The following TBC1D22A variants were observed in gnomAD, a reference collection of about 807,000 sequenced individuals.
TBC1D22A encodes the protein TBC1 domain family member 22A.
TBC1D22A carries 38 observed loss-of-function variants against 60.2 expected under a neutral mutation model. The ratio of observed to expected loss-of-function variants is 0.63; its 90% confidence interval spans 0.49 to 0.83. The LOEUF (loss-of-function observed/expected upper bound fraction) is 0.83, where lower values mean the gene tolerates loss of function less well. Among genes scored for constraint, TBC1D22A ranks in the 40% least tolerant of loss-of-function variants. The pLI is 0.00. For synonymous variants in TBC1D22A, 302 were observed against 281.7 expected (o/e 1.07, Z -0.72); for missense variants, 628 against 701.0 (o/e 0.90, Z 1.18).
chr22:46,822,890 C>G (rs534989652), intron 4 of TBC1D22A, among the ~76,000 whole-genome samples: 1 of 152,248 alleles, frequency 6.6e-6, no homozygotes, highest in South Asian at 2.1e-4. Context: ...GGGCTAAGAT[C>G]TAGGTGAGCT....
At chr22:47,066,587 A>G (rs903240680) in intron 11 of TBC1D22A, among the ~76,000 whole-genome samples, 4 of 152,208 alleles carry the variant, frequency 2.6e-5, no homozygotes, top group African/African-American at 9.6e-5. Context: ...TGTGTCCACT[A>G]TAAGGTATTC....
chr22:46,902,974 G>T (rs1186122694), intron 7 of TBC1D22A, among the ~76,000 whole-genome samples: 1 of 151,560 alleles, frequency 6.6e-6, no homozygotes, highest in Non-Finnish European at 1.5e-5. Flanking sequence ...GGAGAAGACA[G>T]CCCGAGGAGG....
intron 8 of TBC1D22A, among the ~76,000 whole-genome samples, chr22:46,935,774 G>C (rs577514467): frequency 2.0e-4 from 31 of 152,184 alleles, no homozygotes; most frequent in African/African-American, 7.5e-4. Flanking sequence ...CTGTCTCCTG[G>C]GCCCTCCTCT....
intron 9 of TBC1D22A, among the ~76,000 whole-genome samples, chr22:46,992,697 T>C (rs1311386022): frequency 6.6e-6 from 1 of 152,242 alleles, no homozygotes; most frequent in East Asian, 1.9e-4. Flanking sequence ...GGTTCTGCCT[T>C]CCGCTGGACT....
chr22:47,086,897 C>T (rs953398535), intron 11 of TBC1D22A, among the ~76,000 whole-genome samples: 1 of 152,256 alleles, frequency 6.6e-6, no homozygotes, highest in African/African-American at 2.4e-5. Flanking sequence ...GCTGTATCTA[C>T]AGGCCTGTTC....
chr22:46,992,016 A>G (rs899216505), intron 9 of TBC1D22A, among the ~76,000 whole-genome samples: 13 of 152,280 alleles, frequency 8.5e-5, no homozygotes, highest in Admixed American at 2.6e-4. Flanking sequence ...TTAGCAGTCA[A>G]TGTGCACTTG....
chr22:47,092,477 C>T (rs995112107), intron 11 of TBC1D22A, among the ~76,000 whole-genome samples: 5 of 152,136 alleles, frequency 3.3e-5, no homozygotes, highest in Non-Finnish European at 7.4e-5. Flanking sequence ...GGAGTGGAAA[C>T]TGGAGTGGAG....
chr22:46,901,351 C>G (rs115461246), intron 7 of TBC1D22A, among the ~76,000 whole-genome samples: 1,593 of 152,320 alleles, frequency 0.01, 12 homozygotes, highest in Middle Eastern at 0.027. Context: ...GTTGTTTTCT[C>G]TGGTAATAGT....
At chr22:46,905,141 C>G (rs573890071) in intron 7 of TBC1D22A, among the ~76,000 whole-genome samples, 1 of 152,316 alleles carries the variant, frequency 6.6e-6, no homozygotes, top group African/African-American at 2.4e-5. Context: ...CACCACAGTA[C>G]AAATCAGGTG....
chr22:46,829,077 C>T (rs1193069524), intron 4 of TBC1D22A, among the ~76,000 whole-genome samples: 2 of 152,188 alleles, frequency 1.3e-5, no homozygotes, highest in Non-Finnish European at 2.9e-5. Flanking sequence ...TGCTGGTGGT[C>T]AGGGGTGGGG....
At chr22:47,091,305 T>TGGTG (rs71192464) in intron 11 of TBC1D22A, among the ~76,000 whole-genome samples, 2 of 55,396 alleles carry the variant, frequency 3.6e-5, no homozygotes, top group Non-Finnish European at 3.1e-5. Flanking sequence ...AAGTCGTCTT[T>TGGTG]GGGTGGCTGC....
At chr22:46,855,875 A>T (rs573896126) in intron 4 of TBC1D22A, among the ~76,000 whole-genome samples, 4 of 152,330 alleles carry the variant, frequency 2.6e-5, no homozygotes, top group African/African-American at 9.6e-5. Context: ...TCGTAATTAC[A>T]TTGCATACTT....
At chr22:47,134,836 G>A (rs2147125339) in intron 12 of TBC1D22A, among the ~76,000 whole-genome samples, 1 of 152,346 alleles carries the variant, frequency 6.6e-6, no homozygotes, top group South Asian at 2.1e-4. Context: ...GGTTCAGCAG[G>A]GAGACAGCCT....
intron 11 of TBC1D22A, among the ~76,000 whole-genome samples, chr22:47,060,773 A>G (rs1269130301): frequency 6.6e-6 from 1 of 152,204 alleles, no homozygotes; most frequent in Non-Finnish European, 1.5e-5. Context: ...GAAAGGGCAC[A>G]CAATTTAGCG....
intron 10 of TBC1D22A, among the ~76,000 whole-genome samples, chr22:47,022,097 G>A (rs1386903249): frequency 6.6e-6 from 1 of 152,194 alleles, no homozygotes; most frequent in South Asian, 2.1e-4. Flanking sequence ...ACTTGATCAG[G>A]GAAATGAGCA....
intron 12 of TBC1D22A, among the ~76,000 whole-genome samples, chr22:47,146,721 G>A (rs759387098): frequency 9.2e-5 from 14 of 152,160 alleles, no homozygotes; most frequent in Admixed American, 2.6e-4. Context: ...TTGATGGGGC[G>A]GTGGGAAGGC....
At chr22:46,891,447 T>C in intron 6 of TBC1D22A, 53 bp downstream of exon 6, 1 of 1,535,332 alleles carries the variant, frequency 6.5e-7, no homozygotes, top group Non-Finnish European at 8.7e-7. Context: ...TGCTTTGCTG[T>C]GATTTATAGG....
rs148079982 is a variant in TBC1D22A at position 46,990,891 on chromosome 22, G to A, written c.1126-6743G>A. 0.013 allele frequency among the ~76,000 whole-genome samples: 2,045 copies of A among 152,258 alleles called. 21 individuals are homozygous for A. Among genetic ancestry groups the A allele is most frequent in the Middle Eastern group, 0.034 (10 of 294 alleles). On this transcript the variant is annotated intron_variant, in intron 9 of 12. Transcript: ENST00000337137. The surrounding 1 kb of genome is among the most constrained non-coding windows in gnomAD (Gnocchi z 4.6). Reference sequence around the variant, plus strand: ...GATGGCCTCCTCCTGCTGGTGTGCCGCTTTACTCTGCTGGTTGGCCCGTGT... The same window carrying A: ...GATGGCCTCCTCCTGCTGGTGTGCCACTTTACTCTGCTGGTTGGCCCGTGT...
At chr22:46,768,206 C>T (rs541565559) in intron 1 of TBC1D22A, 4 of 152,616 alleles carry the variant, frequency 2.6e-5, no homozygotes, top group East Asian at 1.9e-4. Context: ...AAGGTTTGGC[C>T]GGGCGCGGTG....
Sources: gnomAD v4.1 joint callset for allele counts (sites outside exome capture counted in the v4.1 genomes callset) on GRCh38, gnomAD v4.1.1 for gene constraint, Gnocchi (gnomAD v3.1) non-coding constraint, MANE v1.5 for transcripts, NCBI Gene and HGNC (gene_info 2026-07-23, HGNC 2026-07-21) for gene names.